THAP4: variants seen among roughly 807,000 people sequenced by gnomAD.
The protein encoded by THAP4 is peroxynitrite isomerase THAP4.
In THAP4, 18 loss-of-function variants were observed where a neutral mutation model predicts 48.1. The ratio of observed to expected loss-of-function variants is 0.37; its 90% CI spans 0.26 to 0.56. The LOEUF (loss-of-function observed/expected upper bound fraction) is 0.56, where lower values mean the gene tolerates loss of function less well. Among genes scored for constraint, THAP4 ranks in the 20% least tolerant of loss-of-function variants. THAP4 has a pLI of 0.78. For synonymous variants in THAP4, 345 were observed against 324.9 expected, an observed-to-expected ratio of 1.06 and a Z score of -0.66; for missense variants, 656 against 774.9, an observed-to-expected ratio of 0.85 and a Z score of 1.82.
At position 241,636,921 on chromosome 2, in the gene THAP4, G is replaced by A; in HGVS notation, c.77+20C>T. ...AGGGCCGGGTCGGGGCGGGGGCGTG[G>A]CGGCCCGGGGCCCGCGTACCTGTGG... On this transcript the variant is annotated intron_variant, in intron 1 of 5. Transcript: ENST00000407315. The A allele has an allele frequency of 8.2e-7, 1 of 1,224,046 alleles. No individual in the cohort carries two copies. Among genetic ancestry groups the A allele is most frequent in the Non-Finnish European group, 1.0e-6 (1 of 957,362 alleles). 75.8% of individuals were successfully genotyped at this position (1,224,046 alleles called of 1,614,324 possible).
rs150891304 is a variant in THAP4, at chr2:241,618,143, G to A, written c.1241-11670C>T. 1.1e-3 allele frequency among the ~76,000 whole-genome samples: 172 copies of A among 152,324 alleles called. 1 individual carries two copies. Among genetic ancestry groups the A allele is most frequent in the African/African-American group, 3.7e-3 (155 of 41,568 alleles). ...GGGAGGAGCTGTCCAGGAACACCGT[G>A]ATATGTTTGGGTCCACTGACAAGGC... On this transcript the variant is annotated intron_variant, in intron 2 of 5. Transcript: ENST00000407315.
chr2:241,635,341 A>G (rs926305317), intron 1 of THAP4, among the ~76,000 whole-genome samples: 6 of 152,226 alleles, frequency 3.9e-5, no homozygotes, highest in Non-Finnish European at 5.9e-5. Flanking sequence ...TAATTTAAAA[A>G]TGGTGAGAAA....
intron 2 of THAP4, among the ~76,000 whole-genome samples, chr2:241,629,035 C>T (rs1025949979): frequency 2.0e-5 from 3 of 151,398 alleles, no homozygotes; most frequent in African/African-American, 7.3e-5. Flanking sequence ...ATACTTCAAT[C>T]TAATAATCAT....
intron 4 of THAP4, 149 bp from the exon 5 acceptor site, chr2:241,602,148 A>G: frequency 1.4e-6 from 1 of 715,024 alleles, no homozygotes; most frequent in South Asian, 1.8e-5. Context: ...TCCCCACTTC[A>G]CCCTGTGGAT....
In THAP4 at chr2:241,610,071, C is replaced by T. The variant is rs867747657; in HGVS notation, c.1241-3598G>A. On this transcript the variant is annotated intron_variant, in intron 2 of 5. Coordinates refer to ENST00000407315, the MANE Select transcript of THAP4 (RefSeq NM_015963.6). This position sits in a 1 kb window ranked among gnomAD's most constrained non-coding sequence, Gnocchi z 4.2. Reference sequence around the variant, plus strand: ...AGTCCCCGGCACGGCCACCACCGGCCCCTGGGTCCCGAGGGCCCCGAGGAA... The same window carrying T: ...AGTCCCCGGCACGGCCACCACCGGCTCCTGGGTCCCGAGGGCCCCGAGGAA... Among the ~76,000 whole-genome samples the T allele has an allele frequency of 1.4e-4, 22 of 152,198 alleles. No homozygotes were observed. Among genetic ancestry groups the T allele is most frequent in the African/African-American group, 4.6e-4 (19 of 41,460 alleles).
At chr2:241,614,604 C>T (rs1292124556) in intron 2 of THAP4, among the ~76,000 whole-genome samples, 1 of 151,952 alleles carries the variant, frequency 6.6e-6, no homozygotes, top group Non-Finnish European at 1.5e-5. Context: ...TAGGGAATAC[C>T]GCCGGGCGCA....
At chr2:241,599,802 T>C (rs2067090893) in intron 5 of THAP4, among the ~76,000 whole-genome samples, 1 of 152,048 alleles carries the variant, frequency 6.6e-6, no homozygotes, top group Non-Finnish European at 1.5e-5. Flanking sequence ...TAAGAATGAG[T>C]AAGAAAATTT....
rs188865365 is a variant in THAP4 at position 241,621,217 on chromosome 2, G to A, written c.1240+11700C>T. On this transcript the variant is annotated intron_variant, in intron 2 of 5. Transcript: ENST00000407315. ...ACAAAAATTAGCTGGGCGTGGTGGC[G>A]GGTGCCTGTAATCCCATCTACTCGG... 3.5e-3 allele frequency among the ~76,000 whole-genome samples: 535 copies of A among 152,118 alleles called. 3 individuals carry two copies. Among genetic ancestry groups the A allele is most frequent in the Middle Eastern group, 6.8e-3 (2 of 294 alleles).
intron 5 of THAP4, among the ~76,000 whole-genome samples, chr2:241,587,764 A>T (rs62192967): frequency 0.048 from 7,272 of 152,104 alleles, 201 homozygotes; most frequent in Middle Eastern, 0.1. Context: ...ATCACTACAA[A>T]ATTAGCCGGG....
At chr2:241,625,394 G>A (rs1363057923) in intron 2 of THAP4, among the ~76,000 whole-genome samples, 1 of 151,180 alleles carries the variant, frequency 6.6e-6, no homozygotes, top group African/African-American at 2.4e-5. Context: ...TGGGTCACCT[G>A]AGCCGAGGAG....
chr2:241,600,098 A>AG (rs2067094026), intron 5 of THAP4, among the ~76,000 whole-genome samples: 1 of 152,222 alleles, frequency 6.6e-6, no homozygotes, highest in South Asian at 2.1e-4. Flanking sequence ...CGGGAGGCTG[A>AG]GGCAGGAGAA....
chr2:241,631,964 G>C (rs2067569010), intron 2 of THAP4, among the ~76,000 whole-genome samples: 1 of 151,170 alleles, frequency 6.6e-6, no homozygotes, highest in Non-Finnish European at 1.5e-5. Context: ...GAGTAGTGCA[G>C]TGGTGCCATC....
rs769678674 is a variant in THAP4 at position 241,603,054 on chromosome 2, G to A, written c.1426C>T (p.Arg476Cys). ...FSFNSFHPDT[R>C]KPMHRECGFI... The stretch of plus-strand genomic sequence containing the variant: ...CCACACTCTCTGTGCATCGGCTTGC[G>A]CGTGTCCGGGTGGAAGGAGTTGAAC... Residue 476 changes from arginine to cysteine, a missense_variant, in exon 4 of 6, where the codon CGC becomes TGC. By Grantham distance (180) the Arg-to-Cys change is radical. Coordinates refer to ENST00000407315, the MANE Select transcript of THAP4 (RefSeq NM_015963.6). The A allele has an allele frequency of 4.3e-6, 7 of 1,613,824 alleles. No homozygotes were observed. Among genetic ancestry groups the A allele is most frequent in the Non-Finnish European group, 5.9e-6 (7 of 1,179,924 alleles).
chr2:241,604,376 C>T (rs966483228), intron 3 of THAP4, among the ~76,000 whole-genome samples: 4 of 152,088 alleles, frequency 2.6e-5, no homozygotes, highest in South Asian at 4.2e-4. Context: ...TCAGCCTTAC[C>T]GAGTAGCTGG....
chr2:241,624,582 G>A (rs1180605406), intron 2 of THAP4, among the ~76,000 whole-genome samples: 2 of 152,166 alleles, frequency 1.3e-5, no homozygotes, highest in Non-Finnish European at 2.9e-5. Context: ...CTGTGGAGTT[G>A]GGGTGCACCA....
chr2:241,636,649 G>A (rs1382210273), intron 1 of THAP4, among the ~76,000 whole-genome samples: 1 of 152,184 alleles, frequency 6.6e-6, no homozygotes, highest in East Asian at 1.9e-4. Flanking sequence ...AGGACAATCG[G>A]CCCAGGACCT....
At position 241,601,905 on chromosome 2, in the gene THAP4, G is replaced by C. The variant is rs1190566911; in HGVS notation, c.1605C>G (p.His535Gln). The C allele has an allele frequency of 1.9e-6, 3 of 1,613,958 alleles. No homozygotes were observed. The highest frequency in any genetic ancestry group is 2.2e-5 in the South Asian group (2 of 91,056). ...IARISFAKEP[H>Q]VEQITRKFRL... ...GCAGGGCTGGGCTCACCTGCTCTAC[G>C]TGGGGCTCCTTGGCGAAGGAGATCC... Residue 535 changes from histidine to glutamine, a missense_variant, in exon 5 of 6, where the codon CAC (histidine) becomes CAG (glutamine). Physicochemically the swap from His to Gln is conservative, Grantham distance 24. Around this residue, in one of 4 missense-constraint regions of THAP4, gnomAD observed 176 missense variants for 256.7 expected, o/e 0.69. Coordinates refer to ENST00000407315, the MANE Select transcript of THAP4 (RefSeq NM_015963.6). The surrounding 1 kb of genome is among the most constrained non-coding windows in gnomAD (Gnocchi z 4.0).
Position 241,601,630 on chromosome 2 carries a change from A to T in THAP4, c.1614+266T>A, listed in dbSNP as rs1031295665. ...TCAATAGATATGGATATATCTGTAA[A>T]CGTGGACAACCCAAATGCAAAAGGA... On this transcript the variant is annotated intron_variant, in intron 5 of 5. Transcript: ENST00000407315. The surrounding 1 kb of genome is among the most constrained non-coding windows in gnomAD (Gnocchi z 4.0). Among the ~76,000 whole-genome samples the T allele has an allele frequency of 1.6e-4, 24 of 152,160 alleles. No homozygotes were observed. The highest frequency in any genetic ancestry group is 5.6e-4 in the African/African-American group (23 of 41,426).
rs1378871175 is a variant in THAP4 at position 241,601,666 on chromosome 2, AAAC to A, written c.1614+227_1614+229del. The A allele has an allele frequency of 2.9e-6, 2 of 681,994 alleles. No individual in the cohort carries two copies. The highest frequency in any genetic ancestry group is 4.7e-6 in the Non-Finnish European group (2 of 421,124). 42.2% of individuals were successfully genotyped at this position (681,994 alleles called of 1,614,324 possible). On this transcript the variant is annotated intron_variant, in intron 5 of 5. Transcript: ENST00000407315. This position sits in a 1 kb window ranked among gnomAD's most constrained non-coding sequence, Gnocchi z 4.0. ...CCAAATGCAAAAGGATGTTTGTGAC[AAAC>A]AACAAACCTCAAAAAAACCACACCA...
Sources: allele counts gnomAD v4.1 joint callset (sites outside exome capture counted in the v4.1 genomes callset), GRCh38; gene constraint gnomAD v4.1.1; regional missense constraint gnomAD v4.1.1; non-coding constraint Gnocchi (gnomAD v3.1); transcripts MANE v1.5; gene names NCBI Gene and HGNC (gene_info 2026-07-23, HGNC 2026-07-21).